Variants in MMS22L observed in about 807,000 individuals in gnomAD.
The protein encoded by MMS22L is protein MMS22-like.
In MMS22L, 74 loss-of-function variants were observed where a neutral mutation model predicts 159.1. That is an observed-to-expected ratio of 0.47 (90% CI 0.39 to 0.56). The LOEUF is 0.56. MMS22L is among the 20% of genes least tolerant of loss of function. MMS22L has a pLI of 0.00. For missense variants in MMS22L, 1,351 were observed against 1,422.1 expected (o/e 0.95, Z 0.80); for synonymous variants, 517 against 506.9 (o/e 1.02, Z -0.27).
intron 14 of MMS22L, among the ~76,000 whole-genome samples, chr6:97,214,657 TATATC>T (rs996464248): frequency 3.3e-5 from 5 of 150,552 alleles, no homozygotes; most frequent in African/African-American, 4.9e-5. Context: ...AAAGAGATCT[TATATC>T]ATAAGATTTT....
chr6:97,242,011 T>C (rs1812130439), intron 11 of MMS22L, among the ~76,000 whole-genome samples: 1 of 152,188 alleles, frequency 6.6e-6, no homozygotes, highest in Admixed American at 6.5e-5. Flanking sequence ...TTGAGACTTG[T>C]GGCCTATCAT....
chr6:97,200,718 G>A (rs961229238), intron 14 of MMS22L, among the ~76,000 whole-genome samples: 4 of 152,094 alleles, frequency 2.6e-5, no homozygotes, highest in African/African-American at 7.2e-5. Flanking sequence ...AAAGATCACC[G>A]ATTCAGTATG....
intron 10 of MMS22L, among the ~76,000 whole-genome samples, chr6:97,246,999 AT>A (rs1293692533): frequency 7.0e-6 from 1 of 142,994 alleles, no homozygotes; most frequent in Non-Finnish European, 1.5e-5. Context: ...AAAAAAAAAA[AT>A]TATATAGCCA....
At chr6:97,280,712 T>C (rs985797105) in intron 3 of MMS22L, among the ~76,000 whole-genome samples, 15 of 152,094 alleles carry the variant, frequency 9.9e-5, no homozygotes, top group African/African-American at 3.6e-4. Flanking sequence ...TACAAATACT[T>C]AGGCCAAAAG....
intron 14 of MMS22L, among the ~76,000 whole-genome samples, chr6:97,218,183 C>T (rs1190252791): frequency 6.6e-6 from 1 of 152,136 alleles, no homozygotes; most frequent in Non-Finnish European, 1.5e-5. Flanking sequence ...GAAAACCTTT[C>T]AACTGGGAAG....
Position 97,144,910 on chromosome 6 carries a change from T to C in MMS22L, c.*1896A>G, listed in dbSNP as rs1414472429. ...TAGTTATTCTTAGTATCTATAGATA[T>C]ATGTCCTAAAGCATGATTCAGTAGC... On this transcript the variant is annotated 3_prime_UTR_variant, in exon 25 of 25. Coordinates refer to ENST00000683635, the MANE Select transcript of MMS22L (RefSeq NM_001350599.2). 3 of 151,960 alleles carry C rather than the reference T, an allele frequency of 2.0e-5. No homozygotes were observed. Among genetic ancestry groups the C allele is most frequent in the Admixed American group, 6.6e-5 (1 of 15,230 alleles). The allele number at this position is 151,960 out of a possible 1,614,324, so 9.4% of individuals were successfully genotyped here. A position where few individuals can be genotyped will look rare whatever the true frequency, so the allele number is the denominator to read the frequency against.
At chr6:97,186,801 A>C (rs1388358138) in intron 14 of MMS22L, 111 bp from the exon 15 acceptor site, 1 of 711,412 alleles carries the variant, frequency 1.4e-6, no homozygotes, top group Non-Finnish European at 2.1e-6. Flanking sequence ...CATTTTATAT[A>C]ATTAAAACCT....
intron 16 of MMS22L, among the ~76,000 whole-genome samples, chr6:97,180,322 C>T (rs1267580297): frequency 1.3e-5 from 2 of 152,024 alleles, no homozygotes; most frequent in Non-Finnish European, 2.9e-5. Flanking sequence ...AGGATGGTCT[C>T]GATCTCCTGA....
Position 97,146,803 on chromosome 6 carries a change from ATATTAAG to A in MMS22L, c.3728_*2del, listed in dbSNP as rs1800944295. 12 of 1,565,366 alleles carry A rather than the reference ATATTAAG, an allele frequency of 7.7e-6. No homozygotes were observed. The highest frequency in any genetic ancestry group is 1.4e-5 in the African/African-American group (1 of 71,770). ...TAATAGACAGGATGAATCACAAAATATATTAAGTATTATCATTTTCCAGTCTCTGCAT... is the reference window on the plus strand; with the variant it reads ...TAATAGACAGGATGAATCACAAAATATATTATCATTTTCCAGTCTCTGCAT... On this transcript the variant is annotated stop_lost and 3_prime_UTR_variant, in exon 25 of 25. Transcript: ENST00000683635.
At chr6:97,175,497 TA>T (rs1370043654) in intron 18 of MMS22L, among the ~76,000 whole-genome samples, 1 of 152,190 alleles carries the variant, frequency 6.6e-6, no homozygotes, top group Non-Finnish European at 1.5e-5. Flanking sequence ...ACCATGTCAA[TA>T]AACATTTTAT....
intron 19 of MMS22L, 33 bp from the exon 20 acceptor site, chr6:97,168,273 G>A: frequency 6.2e-7 from 1 of 1,600,200 alleles, no homozygotes; most frequent in Non-Finnish European, 8.5e-7. Flanking sequence ...GCATGTTGTT[G>A]TTATCCTCTG....
intron 14 of MMS22L, among the ~76,000 whole-genome samples, chr6:97,223,581 G>A (rs1410763220): frequency 6.6e-6 from 1 of 152,094 alleles, no homozygotes; most frequent in African/African-American, 2.4e-5. Context: ...TGAAGTTCCA[G>A]ATTTGGGGTT....
chr6:97,151,235 A>T (rs548401153), intron 23 of MMS22L, among the ~76,000 whole-genome samples: 1 of 152,344 alleles, frequency 6.6e-6, no homozygotes, highest in South Asian at 2.1e-4. Context: ...TCAGTACAAT[A>T]AGATTAAAAT....
chr6:97,195,142 C>T (rs1331597302), intron 14 of MMS22L, among the ~76,000 whole-genome samples: 1 of 152,054 alleles, frequency 6.6e-6, no homozygotes, highest in Non-Finnish European at 1.5e-5. Flanking sequence ...GAGCAAAGAA[C>T]TAAATAAGTA....
chr6:97,193,958 TCAC>T (rs1400906113), intron 14 of MMS22L, among the ~76,000 whole-genome samples: 1 of 152,054 alleles, frequency 6.6e-6, no homozygotes, highest in African/African-American at 2.4e-5. Flanking sequence ...AGACGGGGTT[TCAC>T]CGTGTTAGCC....
At chr6:97,171,322 G>T (rs1287908051) in intron 19 of MMS22L, among the ~76,000 whole-genome samples, 1 of 152,122 alleles carries the variant, frequency 6.6e-6, no homozygotes, top group Non-Finnish European at 1.5e-5. Context: ...CATATCACAA[G>T]AAAAGGATAG....
rs764510424 is a variant in MMS22L, at chr6:97,254,528, A to T, written c.1119+29T>A. On this transcript the variant is annotated intron_variant, in intron 10 of 24. Transcript: ENST00000683635. Reference sequence around the variant, plus strand: ...ATAATTACATATTAATTGACAATATAAGAAAGTTTTTAAAAAATGAAGTCT... The same window carrying T: ...ATAATTACATATTAATTGACAATATTAGAAAGTTTTTAAAAAATGAAGTCT... 1.9e-6 allele frequency: 3 copies of T among 1,582,702 alleles called. No individual in the cohort carries two copies. The East Asian group carries it at 6.8e-5, about 36-fold the overall frequency.
At chr6:97,197,772 A>G (rs139019926) in intron 14 of MMS22L, among the ~76,000 whole-genome samples, 142 of 152,294 alleles carry the variant, frequency 9.3e-4, no homozygotes, top group African/African-American at 3.2e-3. Context: ...TGTGAACAAA[A>G]TATTTATGGA....
intron 11 of MMS22L, among the ~76,000 whole-genome samples, chr6:97,234,272 G>A (rs1453515011): frequency 6.6e-6 from 1 of 152,052 alleles, no homozygotes; most frequent in Non-Finnish European, 1.5e-5. Flanking sequence ...TGGAAACCCA[G>A]AAACCAGAAA....
Sources: gnomAD v4.1 joint callset for allele counts (sites outside exome capture counted in the v4.1 genomes callset) on GRCh38, gnomAD v4.1.1 for gene constraint, MANE v1.5 for transcripts, NCBI Gene and HGNC (gene_info 2026-07-23, HGNC 2026-07-21) for gene names.